The following ATP8A2 variants were observed in gnomAD, a reference collection of about 807,000 sequenced individuals.
The protein encoded by ATP8A2 is phospholipid-transporting ATPase IB.
Under a neutral mutation model 165.6 loss-of-function variants are expected in ATP8A2, and 100 were observed. The observed-to-expected ratio is 0.60, with a 90% confidence interval of 0.51 to 0.71. ATP8A2 has a LOEUF of 0.71. Among genes scored for constraint, ATP8A2 ranks in the 30% least tolerant of loss-of-function variants. The pLI is 0.00. For missense variants in ATP8A2, 1,227 were observed against 1,479.5 expected (o/e 0.83, Z 2.80); for synonymous variants, 543 against 548.8 (o/e 0.99, Z 0.15).
chr13:25,610,546 T>C (rs2040657037), intron 24 of ATP8A2, among the ~76,000 whole-genome samples: 1 of 152,130 alleles, frequency 6.6e-6, no homozygotes. Flanking sequence ...AGTCAGGTAA[T>C]GTGATGCCTC....
At chr13:25,465,704 T>TTTCTTTCTTTCTTTC (rs2035628206) in intron 1 of ATP8A2, among the ~76,000 whole-genome samples, 1 of 21,618 alleles carries the variant, frequency 4.6e-5, no homozygotes, top group African/African-American at 1.3e-4. Flanking sequence ...TCTTTCTTTC[T>TTTCTTTCTTTCTTTC]TTCTTTCTTT....
chr13:25,949,670 G>A (rs1955301086), intron 33 of ATP8A2, among the ~76,000 whole-genome samples: 1 of 152,196 alleles, frequency 6.6e-6, no homozygotes, highest in Non-Finnish European at 1.5e-5. Context: ...TGGGCATCCA[G>A]GTGCCTCTGC....
chr13:25,415,168 G>A (rs894937541), intron 1 of ATP8A2, among the ~76,000 whole-genome samples: 3 of 152,184 alleles, frequency 2.0e-5, no homozygotes, highest in Non-Finnish European at 4.4e-5. Flanking sequence ...TCACTGTCAC[G>A]TTTGCCTATG....
intron 25 of ATP8A2, among the ~76,000 whole-genome samples, chr13:25,709,798 C>T (rs940484291): frequency 2.6e-5 from 4 of 151,904 alleles, no homozygotes; most frequent in Non-Finnish European, 2.9e-5. Context: ...GTAGTATTAG[C>T]CTATGCCAAT....
At chr13:25,459,937 C>T (rs541141984) in intron 1 of ATP8A2, among the ~76,000 whole-genome samples, 2 of 152,172 alleles carry the variant, frequency 1.3e-5, no homozygotes, top group Admixed American at 6.5e-5. Flanking sequence ...TGCAGTGGCT[C>T]ACGCCTGTAA....
At chr13:25,634,122 T>C (rs2041313760) in intron 24 of ATP8A2, among the ~76,000 whole-genome samples, 1 of 152,098 alleles carries the variant, frequency 6.6e-6, no homozygotes, top group African/African-American at 2.4e-5. Context: ...CATCAGGAAA[T>C]GTATGAATTT....
chr13:25,799,467 A>G (rs1437055772), intron 27 of ATP8A2, among the ~76,000 whole-genome samples: 1 of 152,224 alleles, frequency 6.6e-6, no homozygotes, highest in Non-Finnish European at 1.5e-5. Flanking sequence ...TGGCATGAAT[A>G]TGGAGCTCCT....
Position 25,918,461 on chromosome 13 carries a change from A to T in ATP8A2, c.3184-43114A>T, listed in dbSNP as rs533929140. On this transcript the variant is annotated intron_variant, in intron 33 of 36. Coordinates refer to ENST00000381655, the MANE Select transcript of ATP8A2 (RefSeq NM_016529.6). Reference sequence around the variant, plus strand: ...GCCAGATCCATGATTAAACAAGAAAAAAGCCAACGTGGTATATTAACATCC... The same window carrying T: ...GCCAGATCCATGATTAAACAAGAAATAAGCCAACGTGGTATATTAACATCC... Among the ~76,000 whole-genome samples, 4 of 152,330 alleles carry T rather than the reference A, an allele frequency of 2.6e-5. No homozygotes were observed. In the East Asian group the frequency reaches 7.7e-4, roughly 29 times the overall value.
At chr13:25,729,326 G>A (rs1016505387) in intron 25 of ATP8A2, among the ~76,000 whole-genome samples, 2 of 152,164 alleles carry the variant, frequency 1.3e-5, no homozygotes, top group Non-Finnish European at 2.9e-5. Flanking sequence ...CCTCTGTCTC[G>A]CAGAGAACTA....
chr13:25,530,532 A>T lies in ATP8A2; in HGVS notation c.322-30A>T, dbSNP rs746839399. 3.7e-6 allele frequency: 5 copies of T among 1,344,868 alleles called. No individual in the cohort carries two copies. The East Asian group carries it at 1.2e-4, about 33-fold the overall frequency. The allele number at this position is 1,344,868 out of a possible 1,614,324, so 83.3% of individuals were successfully genotyped here. A position where few individuals can be genotyped will look rare whatever the true frequency, so the allele number is the denominator to read the frequency against. On this transcript the variant is annotated intron_variant, in intron 3 of 36. Coordinates refer to ENST00000381655, the MANE Select transcript of ATP8A2 (RefSeq NM_016529.6). The stretch of plus-strand genomic sequence containing the variant: ...CATGGAGAGGATTTTTAATGTGCCA[A>T]CTTCCTACTTGTGGTCTCTTATCTT...
chr13:25,915,224 C>A (rs1421884215), intron 33 of ATP8A2, among the ~76,000 whole-genome samples: 1 of 152,198 alleles, frequency 6.6e-6, no homozygotes, highest in Non-Finnish European at 1.5e-5. Flanking sequence ...TAAACCCACG[C>A]TAGTGGAGCA....
At chr13:25,489,239 C>T (rs911887490) in intron 2 of ATP8A2, among the ~76,000 whole-genome samples, 9 of 152,154 alleles carry the variant, frequency 5.9e-5, no homozygotes, top group Non-Finnish European at 1.3e-4. Flanking sequence ...GTTCTATTCC[C>T]GGCTTACCGC....
intron 33 of ATP8A2, among the ~76,000 whole-genome samples, chr13:25,927,612 A>T (rs1954648173): frequency 6.6e-6 from 1 of 152,232 alleles, no homozygotes; most frequent in African/African-American, 2.4e-5. Context: ...TATCAAAGCC[A>T]CTCACTGGTT....
chr13:25,885,512 T>C (rs1429988319), intron 33 of ATP8A2, among the ~76,000 whole-genome samples: 1 of 152,066 alleles, frequency 6.6e-6, no homozygotes, highest in Non-Finnish European at 1.5e-5. Flanking sequence ...TCGTAAAGGC[T>C]GGGGAGGAGG....
intron 25 of ATP8A2, among the ~76,000 whole-genome samples, chr13:25,758,194 C>T (rs1439996839): frequency 6.6e-6 from 1 of 152,058 alleles, no homozygotes; most frequent in East Asian, 1.9e-4. Context: ...TCAAAAACTG[C>T]AAGATGATCA....
intron 2 of ATP8A2, among the ~76,000 whole-genome samples, chr13:25,504,232 G>T (rs2036950209): frequency 6.6e-6 from 1 of 152,074 alleles, no homozygotes; most frequent in African/African-American, 2.4e-5. Context: ...ATGGTATGAG[G>T]ATTAGATATT....
At chr13:25,824,545 G>A (rs114492881) in intron 27 of ATP8A2, among the ~76,000 whole-genome samples, 252 of 152,256 alleles carry the variant, frequency 1.7e-3, no homozygotes, top group African/African-American at 5.9e-3. Flanking sequence ...ATGTCTAGGG[G>A]AAAGGGGATT....
chr13:25,446,516 T>C (rs556027614), intron 1 of ATP8A2, among the ~76,000 whole-genome samples: 181 of 151,868 alleles, frequency 1.2e-3, no homozygotes, highest in Non-Finnish European at 2.0e-3. Context: ...CTGCCTAGGG[T>C]TCCAAAGCCT....
At chr13:25,405,545 C>T (rs999778926) in intron 1 of ATP8A2, among the ~76,000 whole-genome samples, 11 of 152,148 alleles carry the variant, frequency 7.2e-5, no homozygotes, top group African/African-American at 1.4e-4. Context: ...GTACTCCCAG[C>T]GTGCTCTCTT....
Sources: allele counts gnomAD v4.1 joint callset (sites outside exome capture counted in the v4.1 genomes callset), GRCh38; gene constraint gnomAD v4.1.1; transcripts MANE v1.5; gene names NCBI Gene and HGNC (gene_info 2026-07-23, HGNC 2026-07-21).